The following MYO5A variants were observed in gnomAD, a reference collection of about 807,000 sequenced individuals.
MYO5A encodes the protein myosin VA.
In MYO5A, 98 loss-of-function variants were observed where a neutral mutation model predicts 249.7. The observed-to-expected ratio is 0.39, with a 90% CI of 0.33 to 0.46. The LOEUF (loss-of-function observed/expected upper bound fraction) is 0.46, where lower values mean the gene tolerates loss of function less well. Ranked by LOEUF, MYO5A falls within the 20% of genes least tolerant of loss-of-function variation. The pLI, the probability that MYO5A is intolerant of heterozygous loss-of-function variation, is 0.98. For missense variants in MYO5A, 1,696 were observed against 2,308.8 expected, an observed-to-expected ratio of 0.73 and a Z score of 5.44; for synonymous variants, 778 against 810.6, an observed-to-expected ratio of 0.96 and a Z score of 0.68.
intron 34 of MYO5A, among the ~76,000 whole-genome samples, chr15:52,333,724 G>T (rs2038991791): frequency 6.6e-6 from 1 of 152,096 alleles, no homozygotes; most frequent in South Asian, 2.1e-4. Context: ...TTTTTAAAAA[G>T]CCTCCTTAAT....
At chr15:52,352,782 C>CAAAAAGA (rs958959705) in intron 27 of MYO5A, among the ~76,000 whole-genome samples, 23 of 151,184 alleles carry the variant, frequency 1.5e-4, no homozygotes, top group African/African-American at 5.6e-4. Flanking sequence ...GACTCCATTT[C>CAAAAAGA]AAAAAGAAAA....
intron 1 of MYO5A, among the ~76,000 whole-genome samples, chr15:52,523,513 C>CA (rs1261108540): frequency 6.6e-6 from 1 of 152,124 alleles, no homozygotes; most frequent in Non-Finnish European, 1.5e-5. Flanking sequence ...AACAAAACAG[C>CA]ATGTCAGGGG....
intron 34 of MYO5A, among the ~76,000 whole-genome samples, chr15:52,332,161 G>A: frequency 6.6e-6 from 1 of 152,188 alleles, no homozygotes; most frequent in East Asian, 1.9e-4. Flanking sequence ...AATTCCAAAA[G>A]GGGAAACTGG....
chr15:52,442,128 A>C (rs1362174755), intron 1 of MYO5A, among the ~76,000 whole-genome samples: 8 of 152,110 alleles, frequency 5.3e-5, no homozygotes. Context: ...ACAAACCCAC[A>C]ACTCTTCCCT....
chr15:52,373,241 TA>T (rs2041223774), intron 20 of MYO5A, among the ~76,000 whole-genome samples: 2 of 152,172 alleles, frequency 1.3e-5, no homozygotes, highest in African/African-American at 4.8e-5. Flanking sequence ...TTGTTGTCGC[TA>T]AAGAGCACCA....
intron 1 of MYO5A, among the ~76,000 whole-genome samples, chr15:52,474,446 A>AG (rs1567161096): frequency 6.6e-6 from 1 of 152,126 alleles, no homozygotes; most frequent in Non-Finnish European, 1.5e-5. Flanking sequence ...GTGGTGAGAG[A>AG]GGGCATCCCT....
chr15:52,375,559 T>TAGTA, intron 19 of MYO5A, 99 bp from the exon 20 acceptor site: 1 of 1,208,828 alleles, frequency 8.3e-7, no homozygotes, highest in Non-Finnish European at 1.2e-6. Context: ...TAGGCATAAA[T>TAGTA]AGTACCTCCA....
At chr15:52,341,810 T>C (rs996844618) in intron 31 of MYO5A, among the ~76,000 whole-genome samples, 12 of 152,226 alleles carry the variant, frequency 7.9e-5, no homozygotes, top group Non-Finnish European at 1.5e-5. Flanking sequence ...ATCACTAAAA[T>C]AGAATTTTAA....
At chr15:52,509,846 G>T (rs186115928) in intron 1 of MYO5A, among the ~76,000 whole-genome samples, 97 of 151,872 alleles carry the variant, frequency 6.4e-4, no homozygotes, top group African/African-American at 2.3e-3. Flanking sequence ...AGCTTAAAAA[G>T]GTCTCAAGTG....
chr15:52,319,673 G>A (rs1214382771), intron 38 of MYO5A, among the ~76,000 whole-genome samples: 6 of 152,196 alleles, frequency 3.9e-5, no homozygotes, highest in Non-Finnish European at 8.8e-5. Context: ...AAAGGCTGCA[G>A]TGAGCTGAGA....
chr15:52,393,211 G>A (rs2042329968), intron 11 of MYO5A, among the ~76,000 whole-genome samples: 1 of 152,022 alleles, frequency 6.6e-6, no homozygotes. Flanking sequence ...TGCTATTTTT[G>A]TGGGAAGAAA....
intron 11 of MYO5A, among the ~76,000 whole-genome samples, chr15:52,392,715 C>T (rs1402509303): frequency 1.3e-5 from 2 of 152,264 alleles, no homozygotes; most frequent in Admixed American, 6.5e-5. Flanking sequence ...CTTCTCATCT[C>T]CATTCACATA....
At chr15:52,486,547 T>A (rs11856542) in intron 1 of MYO5A, among the ~76,000 whole-genome samples, 1 of 152,150 alleles carries the variant, frequency 6.6e-6, no homozygotes, top group African/African-American at 2.4e-5. Context: ...GAGATTAGAC[T>A]TATTAATAAA....
At chr15:52,464,997 C>T (rs1272634484) in intron 1 of MYO5A, among the ~76,000 whole-genome samples, 3 of 152,178 alleles carry the variant, frequency 2.0e-5, no homozygotes, top group South Asian at 4.1e-4. Flanking sequence ...ATTGGCCACA[C>T]TGGGAGTCAG....
chr15:52,392,686 G>C (rs548932878), intron 11 of MYO5A, among the ~76,000 whole-genome samples: 1 of 152,332 alleles, frequency 6.6e-6, no homozygotes, highest in South Asian at 2.1e-4. Context: ...GAAGCCTTCA[G>C]CCACTGTCCT....
At chr15:52,315,095 G>A (rs962827988) in intron 40 of MYO5A, among the ~76,000 whole-genome samples, 5 of 152,156 alleles carry the variant, frequency 3.3e-5, no homozygotes, top group Non-Finnish European at 7.3e-5. Flanking sequence ...TAAAAAGTGG[G>A]ACCACTTTGT....
At chr15:52,491,523 G>A (rs28519556) in intron 1 of MYO5A, among the ~76,000 whole-genome samples, 22,860 of 152,064 alleles carry the variant, frequency 0.15, 1,832 homozygotes, top group Middle Eastern at 0.22. Context: ...AGAGATCCCC[G>A]CCAGGGTTAC....
chr15:52,498,043 C>G (rs2646031), intron 1 of MYO5A, among the ~76,000 whole-genome samples: 149,718 of 152,186 alleles, frequency 0.98, 73,703 homozygotes, highest in Middle Eastern at 1. Flanking sequence ...CAAGAAGCTA[C>G]AAAAAGAATA....
chr15:52,472,716 A>G (rs1403852619), intron 1 of MYO5A, among the ~76,000 whole-genome samples: 3 of 152,240 alleles, frequency 2.0e-5, no homozygotes, highest in Non-Finnish European at 4.4e-5. Flanking sequence ...TACGAAGGAC[A>G]TGAACTCATC....
Sources: gnomAD v4.1 joint callset for allele counts (sites outside exome capture counted in the v4.1 genomes callset) on GRCh38, gnomAD v4.1.1 for gene constraint, MANE v1.5 for transcripts, NCBI Gene and HGNC (gene_info 2026-07-23, HGNC 2026-07-21) for gene names.